Variants in MARCHF1 observed in about 807,000 individuals in gnomAD.
The protein encoded by MARCHF1 is E3 ubiquitin-protein ligase MARCHF1.
A neutral mutation model predicts 54.2 loss-of-function variants in MARCHF1; 40 were observed. The ratio of observed to expected loss-of-function variants is 0.74; its 90% CI spans 0.57 to 0.96. The LOEUF (loss-of-function observed/expected upper bound fraction) is 0.96. Among genes scored for constraint, MARCHF1 ranks in the 40% least tolerant of loss-of-function variants. MARCHF1 has a pLI of 0.00. For synonymous variants in MARCHF1, 236 were observed against 236.3 expected (o/e 1.00, Z 0.01); for missense variants, 586 against 656.5 (o/e 0.89, Z 1.17).
chr4:163,953,611 A>T (rs1274117178), intron 3 of MARCHF1, among the ~76,000 whole-genome samples: 1 of 152,274 alleles, frequency 6.6e-6, no homozygotes, highest in South Asian at 2.1e-4. Flanking sequence ...ATAGTAATCC[A>T]CTGTTAACAT....
chr4:164,115,530 T>G (rs1483658023), intron 1 of MARCHF1, among the ~76,000 whole-genome samples: 1 of 152,122 alleles, frequency 6.6e-6, no homozygotes, highest in Non-Finnish European at 1.5e-5. Flanking sequence ...TGAAAGAATA[T>G]TTATTCAGAC....
chr4:163,742,282 T>C (rs1746218888), intron 4 of MARCHF1, among the ~76,000 whole-genome samples: 2 of 152,106 alleles, frequency 1.3e-5, no homozygotes, highest in African/African-American at 4.8e-5. Context: ...AGTCAATTAT[T>C]GGCTAGTACT....
At chr4:163,561,759 T>A (rs1052484268) in intron 8 of MARCHF1, among the ~76,000 whole-genome samples, 6 of 152,028 alleles carry the variant, frequency 3.9e-5, no homozygotes, top group Non-Finnish European at 8.8e-5. Flanking sequence ...ATTTTGTGAA[T>A]TTTTTTTCTG....
At chr4:164,198,305 G>A (rs562755158) in intron 1 of MARCHF1, among the ~76,000 whole-genome samples, 9 of 152,274 alleles carry the variant, frequency 5.9e-5, no homozygotes, top group African/African-American at 2.2e-4. Context: ...TATCTGTTCT[G>A]TCAGATTATA....
intron 1 of MARCHF1, among the ~76,000 whole-genome samples, chr4:164,346,604 G>A (rs7441809): frequency 2.3e-5 from 1 of 42,602 alleles, no homozygotes; most frequent in Admixed American, 3.0e-4. Flanking sequence ...ATGTATGTAT[G>A]TATATATATA....
At chr4:163,940,939 T>C (rs76240300) in intron 3 of MARCHF1, among the ~76,000 whole-genome samples, 2,826 of 152,234 alleles carry the variant, frequency 0.019, 46 homozygotes, top group South Asian at 0.046. Flanking sequence ...ATAATGTTTG[T>C]TATTTTTTAT....
At chr4:163,861,750 A>G (rs1299667585) in intron 3 of MARCHF1, among the ~76,000 whole-genome samples, 2 of 152,112 alleles carry the variant, frequency 1.3e-5, no homozygotes, top group African/African-American at 4.8e-5. Context: ...GTAGAAAGGC[A>G]AAATACCTAC....
intron 6 of MARCHF1, 124 bp from the exon 7 acceptor site, chr4:163,613,162 A>G: frequency 8.1e-7 from 1 of 1,237,734 alleles, no homozygotes; most frequent in East Asian, 2.6e-5. Context: ...GATCAACTGA[A>G]GAAAATGAAC....
At chr4:164,324,951 G>C (rs577704255) in intron 1 of MARCHF1, among the ~76,000 whole-genome samples, 71 of 151,394 alleles carry the variant, frequency 4.7e-4, no homozygotes, top group Non-Finnish European at 8.3e-4. Flanking sequence ...TGATACGGAA[G>C]TTCATATGAA....
intron 1 of MARCHF1, among the ~76,000 whole-genome samples, chr4:164,128,383 T>C (rs184992547): frequency 1.3e-5 from 2 of 151,794 alleles, no homozygotes; most frequent in East Asian, 3.9e-4. Flanking sequence ...TGAAAAGCTC[T>C]CAGAAAACAG....
At chr4:164,248,391 A>C (rs1319080285) in intron 1 of MARCHF1, among the ~76,000 whole-genome samples, 1 of 152,058 alleles carries the variant, frequency 6.6e-6, no homozygotes, top group African/African-American at 2.4e-5. Flanking sequence ...ATATCTGCCT[A>C]GTAAGGGCTA....
At chr4:163,956,230 C>T (rs1579420290) in intron 3 of MARCHF1, among the ~76,000 whole-genome samples, 1 of 152,122 alleles carries the variant, frequency 6.6e-6, no homozygotes, top group South Asian at 2.1e-4. Flanking sequence ...AAAGTCTGCT[C>T]AAATCATAGT....
intron 5 of MARCHF1, among the ~76,000 whole-genome samples, chr4:163,699,251 A>T (rs1561026072): frequency 6.6e-6 from 1 of 151,760 alleles, no homozygotes; most frequent in Non-Finnish European, 1.5e-5. Flanking sequence ...GCAAGCACAC[A>T]CATTGACTGA....
At chr4:163,775,895 C>A (rs1242131516) in intron 4 of MARCHF1, among the ~76,000 whole-genome samples, 1 of 152,024 alleles carries the variant, frequency 6.6e-6, no homozygotes, top group Non-Finnish European at 1.5e-5. Flanking sequence ...GTGTTATGAG[C>A]ATCTACAGGT....
At chr4:163,766,917 C>T (rs1194736404) in intron 4 of MARCHF1, among the ~76,000 whole-genome samples, 2 of 151,856 alleles carry the variant, frequency 1.3e-5, no homozygotes, top group Non-Finnish European at 2.9e-5. Flanking sequence ...AAATAGTTTC[C>T]TCAGATTTTT....
intron 3 of MARCHF1, chr4:163,932,519 T>C: frequency 2.8e-6 from 1 of 356,644 alleles, no homozygotes; most frequent in Non-Finnish European, 5.5e-6. Flanking sequence ...TCACCCTGAC[T>C]CCTGCCATAG....
rs904568949 is a variant in MARCHF1, at chr4:163,724,837, G to A, written c.112-23974C>T. ...ATGGGATATAATCTCCTGGTGTGCC[G>A]TTTGCTAAGACCATTGGAAAAGCGC... On this transcript the variant is annotated intron_variant, in intron 4 of 9. Transcript: ENST00000514618. Among the ~76,000 whole-genome samples, 7 of 152,140 alleles carry A rather than the reference G, an allele frequency of 4.6e-5. No homozygotes were observed. In the South Asian group the frequency reaches 8.3e-4, roughly 18 times the overall value.
At position 163,721,854 on chromosome 4, in the gene MARCHF1, T is replaced by C. The variant is rs558259660; in HGVS notation, c.112-20991A>G. Among the ~76,000 whole-genome samples, 110 of 152,250 alleles carry C rather than the reference T, an allele frequency of 7.2e-4. 1 individual carries two copies. Among genetic ancestry groups the C allele is most frequent in the Middle Eastern group, 6.8e-3 (2 of 294 alleles). On this transcript the variant is annotated intron_variant, in intron 4 of 9. Coordinates refer to ENST00000514618, the MANE Select transcript of MARCHF1 (RefSeq NM_001394959.1). ...GGTATTCTCTGACGGGAATTTGTAT[T>C]TCTGTGGGACCGGTGGTGACATCCC...
chr4:164,169,114 A>T (rs1040504685), intron 1 of MARCHF1, among the ~76,000 whole-genome samples: 1 of 152,094 alleles, frequency 6.6e-6, no homozygotes, highest in African/African-American at 2.4e-5. Context: ...AAAAGTAACT[A>T]TGTGAGATAA....
Sources: gnomAD v4.1 joint callset for allele counts (sites outside exome capture counted in the v4.1 genomes callset) on GRCh38, gnomAD v4.1.1 for gene constraint, MANE v1.5 for transcripts, NCBI Gene and HGNC (gene_info 2026-07-23, HGNC 2026-07-21) for gene names.